The following SUPT20H variants were observed in gnomAD, a reference collection of about 807,000 sequenced individuals.
The protein encoded by SUPT20H is SPT20 homolog, SAGA complex component, also known as transcription factor SPT20 homolog.
SUPT20H carries 82 observed loss-of-function variants against 122.8 expected under a neutral mutation model. That is an observed-to-expected ratio of 0.67 (90% CI 0.56 to 0.80). SUPT20H has a LOEUF of 0.80. Among genes scored for constraint, SUPT20H ranks in the 30% least tolerant of loss-of-function variants. SUPT20H has a pLI of 0.00. For missense variants in SUPT20H, 831 were observed against 921.6 expected (o/e 0.90, Z 1.27); for synonymous variants, 291 against 313.0 (o/e 0.93, Z 0.74).
Position 37,024,060 on chromosome 13 carries a change from G to C in SUPT20H, c.1566C>G (p.Ala522=). 6.2e-7 allele frequency: 1 copy of C among 1,612,434 alleles called. No individual in the cohort carries two copies. The highest frequency in any genetic ancestry group is 8.5e-7 in the Non-Finnish European group (1 of 1,179,264). The change falls in exon 19 of 26, where the codon GCC becomes GCG. Residue 522 remains alanine (A), a synonymous_variant. Transcript: ENST00000350612. ...TTTGTGATGAGCTGGCAGGTGATAG[G>C]GCAGCTGGAGAAAGCATGCTAACTT... ...LNQVSMLSPA[A]LSPASSSQRT...
In SUPT20H at chr13:37,026,195, T is replaced by C; in HGVS notation, c.1211+9A>G. 6.4e-7 allele frequency: 1 copy of C among 1,558,752 alleles called. No individual in the cohort carries two copies. Among genetic ancestry groups the C allele is most frequent in the Non-Finnish European group, 8.6e-7 (1 of 1,160,342 alleles). ...TCCTGACCAAAATAAGAGATGCAAA[T>C]ATTTTTACCTCTCAGCATCGGTCTT... On this transcript the variant is annotated intron_variant, in intron 16 of 25. Transcript: ENST00000350612.
intron 9 of SUPT20H, among the ~76,000 whole-genome samples, chr13:37,036,662 T>C (rs982178549): frequency 1.3e-5 from 2 of 152,044 alleles, no homozygotes; most frequent in African/African-American, 4.8e-5. Flanking sequence ...TGTGCATGCC[T>C]CTTCTGCCTC....
At chr13:37,032,063 G>A (rs2063442532) in intron 10 of SUPT20H, among the ~76,000 whole-genome samples, 168 bp from the exon 11 acceptor site, 1 of 152,074 alleles carries the variant, frequency 6.6e-6, no homozygotes, top group African/African-American at 2.4e-5. Context: ...AAATGAATAG[G>A]ACAAACAAAA....
Position 37,053,286 on chromosome 13 carries a change from A to G in SUPT20H, c.-93-1703T>C, listed in dbSNP as rs565257656. Among the ~76,000 whole-genome samples, 5 of 152,340 alleles carry G rather than the reference A, an allele frequency of 3.3e-5. No individual in the cohort carries two copies. The East Asian group carries it at 9.6e-4, about 29-fold the overall frequency. ...TTGGAACCAACCCAAATGCCCACCA[A>G]TGATAGACTGGATAAAGAAAGGGTG... On this transcript the variant is annotated intron_variant, in intron 1 of 25. Coordinates refer to ENST00000350612, the MANE Select transcript of SUPT20H (RefSeq NM_001014286.3).
chr13:37,012,105 G>T (rs912003741), intron 24 of SUPT20H, 87 bp downstream of exon 24: 2 of 1,063,312 alleles, frequency 1.9e-6, no homozygotes, highest in Non-Finnish European at 1.4e-6. Context: ...TGCAAGGGAA[G>T]GAAAAGAAAA....
At position 37,009,338 on chromosome 13, in the gene SUPT20H, T is replaced by C. The variant is rs1444609224; in HGVS notation, c.*334A>G. On this transcript the variant is annotated 3_prime_UTR_variant, in exon 26 of 26. Transcript: ENST00000350612. ...TTTCAAAACAGATTTGTAAAAATTGTATTTGTTAACACTGTGCACAAACGT... is the reference window on the plus strand; with the variant it reads ...TTTCAAAACAGATTTGTAAAAATTGCATTTGTTAACACTGTGCACAAACGT... The C allele has an allele frequency of 8.2e-7, 1 of 1,216,146 alleles. No individual in the cohort carries two copies. Among genetic ancestry groups the C allele is most frequent in the Non-Finnish European group, 1.2e-6 (1 of 829,584 alleles). 75.3% of individuals were successfully genotyped at this position (1,216,146 alleles called of 1,614,324 possible).
intron 16 of SUPT20H, chr13:37,025,772 G>C (rs1371484862): frequency 4.2e-6 from 1 of 238,264 alleles, no homozygotes; most frequent in Non-Finnish European, 8.1e-6. Flanking sequence ...GTACTATCTA[G>C]AAATCATCTT....
chr13:37,056,508 C>G (rs966092046), intron 1 of SUPT20H, among the ~76,000 whole-genome samples: 6 of 151,996 alleles, frequency 3.9e-5, no homozygotes. Flanking sequence ...AGCAAACTAT[C>G]GCAAGGACAA....
At chr13:37,059,038 T>C (rs1176549784) in intron 1 of SUPT20H, among the ~76,000 whole-genome samples, 2 of 152,172 alleles carry the variant, frequency 1.3e-5, no homozygotes, top group African/African-American at 4.8e-5. Context: ...GCAACTGTTC[T>C]CCAAGTTCAT....
In SUPT20H at chr13:37,017,302, A is replaced by G. The variant is rs1229264814; in HGVS notation, c.1935T>C (p.Phe645=). 1.2e-6 allele frequency: 2 copies of G among 1,614,168 alleles called. No homozygotes were observed. Residue 645 remains phenylalanine, a synonymous_variant, in exon 23 of 26, where the codon TTT becomes TTC. Coordinates refer to ENST00000350612, the MANE Select transcript of SUPT20H (RefSeq NM_001014286.3). Reference sequence around the variant, plus strand: ...TGGGCTGCTGAGGTTGTTGTGGTGTAAACTGGGAGAGCTGCTGTTGCTGCT... The same window carrying G: ...TGGGCTGCTGAGGTTGTTGTGGTGTGAACTGGGAGAGCTGCTGTTGCTGCT... ...LQQQQQQLSQ[F]TPQQPQQPTT... is the part of the protein sequence containing the mutation.
At position 37,021,561 on chromosome 13, in the gene SUPT20H, CCCA is replaced by C; in HGVS notation, c.1700_1702del (p.Leu567_Gly568delinsArg). ...AGGAGTTATGGCACCAGTGTTACAG[CCCA>C]GCATGGGGTTTGAACCACTCATCAA... On this transcript the variant is annotated inframe_deletion, in exon 21 of 26. Transcript: ENST00000350612. 1 of 1,613,468 alleles carries C rather than the reference CCCA, an allele frequency of 6.2e-7. No homozygotes were observed. The highest frequency in any genetic ancestry group is 8.5e-7 in the Non-Finnish European group (1 of 1,179,910).
rs189883004 is a variant in SUPT20H at position 37,053,419 on chromosome 13, A to G, written c.-93-1836T>C. Among the ~76,000 whole-genome samples the G allele has an allele frequency of 1.8e-3, 269 of 152,220 alleles. 1 individual carries two copies. The highest frequency in any genetic ancestry group is 6.3e-3 in the African/African-American group (261 of 41,538). ...ACCATCATCCTCAGCAAACTAACAC[A>G]GGAACAGAAAACCACACATCACATG... is the stretch of plus-strand genomic sequence containing the variant. On this transcript the variant is annotated intron_variant, in intron 1 of 25. Coordinates refer to ENST00000350612, the MANE Select transcript of SUPT20H (RefSeq NM_001014286.3).
At chr13:37,028,666 G>C (rs1306330912) in intron 13 of SUPT20H, among the ~76,000 whole-genome samples, 2 of 151,844 alleles carry the variant, frequency 1.3e-5, no homozygotes, top group Non-Finnish European at 2.9e-5. Flanking sequence ...GGGACTGAAA[G>C]CTCCACCATA....
At chr13:37,046,866 G>T (rs1260908443) in intron 5 of SUPT20H, 1 of 152,078 alleles carries the variant, frequency 6.6e-6, no homozygotes, top group Non-Finnish European at 1.5e-5. Context: ...CTAATGTAAA[G>T]ATTTTAAAGT....
chr13:37,032,586 A>G (rs1304581356), intron 10 of SUPT20H, among the ~76,000 whole-genome samples: 3 of 152,124 alleles, frequency 2.0e-5, no homozygotes, highest in Admixed American at 6.5e-5. Context: ...AACCTCAAGT[A>G]TAACTGATGA....
intron 22 of SUPT20H, 83 bp downstream of exon 22, chr13:37,019,259 G>C (rs2061067115): frequency 2.0e-6 from 2 of 989,404 alleles, no homozygotes; most frequent in South Asian, 1.7e-5. Context: ...AGAATTTCAA[G>C]TGCTGATACA....
At chr13:37,030,888 A>G (rs2063177482) in intron 12 of SUPT20H, among the ~76,000 whole-genome samples, 1 of 152,148 alleles carries the variant, frequency 6.6e-6, no homozygotes, top group Middle Eastern at 3.2e-3. Context: ...TGCTTTGCGT[A>G]ATTTCTTTTT....
At chr13:37,028,518 A>G (rs961746383) in intron 13 of SUPT20H, among the ~76,000 whole-genome samples, 4 of 152,218 alleles carry the variant, frequency 2.6e-5, no homozygotes, top group Non-Finnish European at 5.9e-5. Context: ...GCATGCATTT[A>G]GTAAAGCATT....
At chr13:37,028,101 G>A in intron 14 of SUPT20H, 47 bp downstream of exon 14, 1 of 1,494,292 alleles carries the variant, frequency 6.7e-7, no homozygotes, top group Non-Finnish European at 8.9e-7. Flanking sequence ...TAAATTCTTG[G>A]TGCCTTATTT....
Sources: gnomAD v4.1 joint callset for allele counts (sites outside exome capture counted in the v4.1 genomes callset) on GRCh38, gnomAD v4.1.1 for gene constraint, MANE v1.5 for transcripts, NCBI Gene and HGNC (gene_info 2026-07-23, HGNC 2026-07-21) for gene names.